Variants in PRKCE observed in about 807,000 individuals in gnomAD.
PRKCE encodes protein kinase C epsilon type.
A neutral mutation model predicts 85.4 loss-of-function variants in PRKCE; 16 were observed. That is an observed-to-expected ratio of 0.19 (90% CI 0.13 to 0.28). PRKCE has a LOEUF of 0.28. Ranked by LOEUF, PRKCE falls within the 10% of genes least tolerant of loss-of-function variation. PRKCE has a pLI of 1.00. For synonymous variants in PRKCE, 388 were observed against 371.5 expected, an observed-to-expected ratio of 1.04 and a Z score of -0.51; for missense variants, 573 against 975.2, an observed-to-expected ratio of 0.59 and a Z score of 5.49.
chr2:45,945,468 G>A (rs1053201328), intron 2 of PRKCE, among the ~76,000 whole-genome samples: 2 of 152,168 alleles, frequency 1.3e-5, no homozygotes, highest in Admixed American at 1.3e-4. Context: ...TGAGGGATCC[G>A]CCCTGTGACT....
chr2:45,869,602 A>G (rs1693910415), intron 2 of PRKCE, among the ~76,000 whole-genome samples: 1 of 151,998 alleles, frequency 6.6e-6, no homozygotes, highest in African/African-American at 2.4e-5. Context: ...GGTTGAGCTC[A>G]CTAAGGGAGC....
chr2:45,696,127 T>C lies in PRKCE; in HGVS notation c.348+43679T>C, dbSNP rs932226484. Reference sequence around the variant, plus strand: ...CAACAGTCCCCAGAGTGTGAGAAATTTTTTTTTTTGTAGAACAGGGGTCTC... The same window carrying C: ...CAACAGTCCCCAGAGTGTGAGAAATCTTTTTTTTTGTAGAACAGGGGTCTC... On this transcript the variant is annotated intron_variant, in intron 1 of 14. Coordinates refer to ENST00000306156, the MANE Select transcript of PRKCE (RefSeq NM_005400.3). 1.8e-4 allele frequency among the ~76,000 whole-genome samples: 21 copies of C among 119,344 alleles called. No individual in the cohort carries two copies. In the South Asian group the frequency reaches 6.0e-3, roughly 34 times the overall value. 78.3% of individuals were successfully genotyped at this position (119,344 alleles called of 152,430 possible). A position where few individuals can be genotyped will look rare whatever the true frequency, so the allele number is the denominator to read the frequency against.
At chr2:45,673,665 C>T (rs1375497806) in intron 1 of PRKCE, among the ~76,000 whole-genome samples, 1 of 152,138 alleles carries the variant, frequency 6.6e-6, no homozygotes, top group Non-Finnish European at 1.5e-5. Flanking sequence ...AAACTAGGAT[C>T]CCAAGTGTTG....
At chr2:46,026,448 C>T (rs939758868) in intron 10 of PRKCE, among the ~76,000 whole-genome samples, 1 of 152,094 alleles carries the variant, frequency 6.6e-6, no homozygotes, top group Non-Finnish European at 1.5e-5. Context: ...GGAAATGTTA[C>T]CTTTTTGGAA....
intron 12 of PRKCE, among the ~76,000 whole-genome samples, chr2:46,147,859 A>G (rs920416838): frequency 1.3e-5 from 2 of 152,238 alleles, no homozygotes; most frequent in Admixed American, 1.3e-4. Flanking sequence ...ACACATGAGC[A>G]TTTGATGACT....
chr2:45,720,878 G>A (rs1046008148), intron 1 of PRKCE, among the ~76,000 whole-genome samples: 1 of 152,124 alleles, frequency 6.6e-6, no homozygotes, highest in African/African-American at 2.4e-5. Flanking sequence ...GGAGGCCGAG[G>A]TGGGCAGATC....
intron 11 of PRKCE, among the ~76,000 whole-genome samples, chr2:46,090,142 T>A (rs1466407045): frequency 6.6e-6 from 1 of 152,226 alleles, no homozygotes; most frequent in Non-Finnish European, 1.5e-5. Context: ...CTTTTATGTA[T>A]GTTTTGCCAT....
chr2:45,800,981 GA>G (rs1441411085), intron 1 of PRKCE, among the ~76,000 whole-genome samples: 4 of 152,198 alleles, frequency 2.6e-5, no homozygotes, highest in Non-Finnish European at 5.9e-5. Context: ...AGTTGCCTGG[GA>G]AAGATTCCTC....
intron 11 of PRKCE, among the ~76,000 whole-genome samples, chr2:46,122,881 GTTTT>G (rs1244942634): frequency 6.1e-4 from 72 of 117,162 alleles, no homozygotes; most frequent in African/African-American, 2.2e-3. Context: ...AACAGTCTGG[GTTTT>G]TTTTTTTTTT....
chr2:45,877,780 C>T (rs4953281), intron 2 of PRKCE, among the ~76,000 whole-genome samples: 46,007 of 152,112 alleles, frequency 0.3, 7,811 homozygotes, highest in East Asian at 0.55. Context: ...AATAGCCCCA[C>T]AGACTGTTCT....
At chr2:45,805,715 G>T (rs1234909328) in intron 1 of PRKCE, among the ~76,000 whole-genome samples, 2 of 151,604 alleles carry the variant, frequency 1.3e-5, no homozygotes, top group Non-Finnish European at 2.9e-5. Context: ...TCCTGCCTCA[G>T]CCACCCAAGT....
At chr2:45,661,691 G>C (rs1369978947) in intron 1 of PRKCE, among the ~76,000 whole-genome samples, 1 of 144,654 alleles carries the variant, frequency 6.9e-6, no homozygotes, top group Non-Finnish European at 1.5e-5. Flanking sequence ...ACCACGCCCA[G>C]CTAATTTTTT....
At chr2:45,846,507 C>G (rs1691800388) in intron 2 of PRKCE, among the ~76,000 whole-genome samples, 1 of 152,152 alleles carries the variant, frequency 6.6e-6, no homozygotes, top group South Asian at 2.1e-4. Context: ...CAACAAAATA[C>G]AGAGGATACA....
At chr2:46,154,437 G>A (rs1167209616) in intron 13 of PRKCE, among the ~76,000 whole-genome samples, 4 of 145,588 alleles carry the variant, frequency 2.7e-5, no homozygotes, top group East Asian at 2.1e-4. Flanking sequence ...ATGTCCTCAC[G>A]GCCCTCCCCA....
intron 11 of PRKCE, among the ~76,000 whole-genome samples, chr2:46,095,813 G>A (rs1218700408): frequency 6.6e-6 from 1 of 152,194 alleles, no homozygotes; most frequent in Admixed American, 6.5e-5. Context: ...AATATCTACA[G>A]TCTTTATCCA....
At chr2:46,165,452 AG>A (rs1489610500) in intron 14 of PRKCE, among the ~76,000 whole-genome samples, 2 of 152,178 alleles carry the variant, frequency 1.3e-5, no homozygotes, top group East Asian at 3.8e-4. Context: ...TCCAGCACTG[AG>A]GGGTTGGGGA....
chr2:45,673,417 G>A (rs1676270130), intron 1 of PRKCE, among the ~76,000 whole-genome samples: 1 of 152,104 alleles, frequency 6.6e-6, no homozygotes, highest in Admixed American at 6.5e-5. Flanking sequence ...TTTCTGGATG[G>A]CAATTGAGCG....
chr2:45,658,188 C>T (rs140005117), intron 1 of PRKCE, among the ~76,000 whole-genome samples: 2 of 152,286 alleles, frequency 1.3e-5, no homozygotes, highest in Non-Finnish European at 2.9e-5. Flanking sequence ...ATTTCCCCAG[C>T]AGCCAAGGGT....
intron 10 of PRKCE, among the ~76,000 whole-genome samples, chr2:46,023,109 A>AAAAAAAAAT (rs1383340242): frequency 6.6e-6 from 1 of 150,860 alleles, no homozygotes; most frequent in Non-Finnish European, 1.5e-5. Context: ...AAAAAAAAAA[A>AAAAAAAAAT]ATCATCTATA....
Sources: allele counts gnomAD v4.1 joint callset (sites outside exome capture counted in the v4.1 genomes callset), GRCh38; gene constraint gnomAD v4.1.1; transcripts MANE v1.5; gene names NCBI Gene and HGNC (gene_info 2026-07-23, HGNC 2026-07-21).